RASA4B: variants seen among roughly 807,000 people sequenced by gnomAD.
RASA4B encodes the protein RAS p21 protein activator 4B.
A neutral mutation model predicts 24.2 loss-of-function variants in RASA4B; 2 were observed. The ratio of observed to expected loss-of-function variants is 0.08; its 90% CI spans 0.03 to 0.26. The LOEUF (loss-of-function observed/expected upper bound fraction) is 0.26, where lower values mean the gene tolerates loss of function less well. Ranked by LOEUF, RASA4B falls within the 10% of genes least tolerant of loss-of-function variation. The pLI is 1.00. For synonymous variants in RASA4B, 2 were observed against 125.6 expected (o/e 0.02, Z 6.58); for missense variants, 8 against 277.2 (o/e 0.03, Z 6.90).
chr7:102,489,611 G>GT (rs1798836048), intron 17 of RASA4B, among the ~76,000 whole-genome samples: 1 of 148,266 alleles, frequency 6.7e-6, no homozygotes, highest in Non-Finnish European at 1.5e-5. Context: ...TCCTGCCTCA[G>GT]CCCCCCAAGT....
rs4729800 is a variant in RASA4B at position 102,491,881 on chromosome 7, G to T, written c.1831-758C>A. Among the ~76,000 whole-genome samples the T allele has an allele frequency of 9.3e-3, 529 of 57,112 alleles. 3 individuals carry two copies. The highest frequency in any genetic ancestry group is 0.017 in the Non-Finnish European group (338 of 19,732). The allele number at this position is 57,112 out of a possible 152,430, so 37.5% of individuals were successfully genotyped here. A position where few individuals can be genotyped will look rare whatever the true frequency, so the allele number is the denominator to read the frequency against. ...TCATCTGAGTGCTTTGGGAGGCTGGGGCAGGAGGATTGCCTGAGGCCAGGA... is the reference window on the plus strand; with the variant it reads ...TCATCTGAGTGCTTTGGGAGGCTGGTGCAGGAGGATTGCCTGAGGCCAGGA... On this transcript the variant is annotated intron_variant, in intron 16 of 20. Coordinates refer to ENST00000465829, the MANE Select transcript of RASA4B (RefSeq NM_001367767.2).
At position 102,481,215 on chromosome 7, in the gene RASA4B, T is replaced by C. The variant is rs1350343789; in HGVS notation, c.*2377A>G. ...AATTTCAAGTCTCCTTTATTTTCCCTTTTTTTTTTTTTTTTTTTTAATTTT... is the reference window on the plus strand; with the variant it reads ...AATTTCAAGTCTCCTTTATTTTCCCCTTTTTTTTTTTTTTTTTTTAATTTT... On this transcript the variant is annotated 3_prime_UTR_variant, in exon 21 of 21. Coordinates refer to ENST00000465829, the MANE Select transcript of RASA4B (RefSeq NM_001367767.2). 3.8e-4 allele frequency among the ~76,000 whole-genome samples: 19 copies of C among 50,424 alleles called. No homozygotes were observed. Among genetic ancestry groups the C allele is most frequent in the African/African-American group, 1.3e-3 (18 of 14,296 alleles). 33.1% of individuals were successfully genotyped at this position (50,424 alleles called of 152,430 possible). A position where few individuals can be genotyped will look rare whatever the true frequency, so the allele number is the denominator to read the frequency against.
At position 102,481,139 on chromosome 7, in the gene RASA4B, T is replaced by G. The variant is rs1266893136; in HGVS notation, c.*2453A>C. ...TAACCATTTTAAGTGTTTAACTCAG[T>G]GGTGTTAATTACATTCACAATGTGT... On this transcript the variant is annotated 3_prime_UTR_variant, in exon 21 of 21. Transcript: ENST00000465829. Among the ~76,000 whole-genome samples the G allele has an allele frequency of 1.0e-5, 1 of 99,858 alleles. No homozygotes were observed. Among genetic ancestry groups the G allele is most frequent in the African/African-American group, 2.9e-5 (1 of 33,934 alleles). 65.5% of individuals were successfully genotyped at this position (99,858 alleles called of 152,430 possible). A position where few individuals can be genotyped will look rare whatever the true frequency, so the allele number is the denominator to read the frequency against.
At chr7:102,484,792 T>A (rs1261755134) in intron 19 of RASA4B, among the ~76,000 whole-genome samples, 12 of 148,654 alleles carry the variant, frequency 8.1e-5, no homozygotes, top group South Asian at 2.2e-4. Flanking sequence ...GTGCCTGTAC[T>A]CCAAGGGCCC....
At position 102,489,794 on chromosome 7, in the gene RASA4B, T is replaced by TGC. The variant is rs1426364844; in HGVS notation, c.1968+1191_1968+1192insGC. On this transcript the variant is annotated intron_variant, in intron 17 of 20. Transcript: ENST00000465829. ...ATCACAATTTGCTTTTTTTTTTTTT[T>TGC]TTTTTTTTTAAGAGACAGGGTCTCA... is the stretch of plus-strand genomic sequence containing the variant. 4.0e-5 allele frequency among the ~76,000 whole-genome samples: 5 copies of TGC among 124,332 alleles called. 1 individual carries two copies. Among genetic ancestry groups the TGC allele is most frequent in the Admixed American group, 2.5e-4 (3 of 11,950 alleles). The allele number at this position is 124,332 out of a possible 152,430, so 81.6% of individuals were successfully genotyped here.
Position 102,481,255 on chromosome 7 carries a change from G to T in RASA4B, c.*2337C>A, listed in dbSNP as rs1586755940. On this transcript the variant is annotated 3_prime_UTR_variant, in exon 21 of 21. Coordinates refer to ENST00000465829, the MANE Select transcript of RASA4B (RefSeq NM_001367767.2). ...TTTTTAATTTTAGGGACTAGGTTTT[G>T]CTATGTTGCCCAGGCTGGCCTTAAA... 2.4e-5 allele frequency among the ~76,000 whole-genome samples: 1 copy of T among 41,218 alleles called. No homozygotes were observed. Among genetic ancestry groups the T allele is most frequent in the African/African-American group, 6.9e-5 (1 of 14,514 alleles). 27.0% of individuals were successfully genotyped at this position (41,218 alleles called of 152,430 possible). A position where few individuals can be genotyped will look rare whatever the true frequency, so the allele number is the denominator to read the frequency against.
intron 8 of RASA4B, among the ~76,000 whole-genome samples, chr7:102,500,286 C>T (rs1268839890): frequency 1.2e-5 from 1 of 85,518 alleles, no homozygotes; most frequent in Non-Finnish European, 2.5e-5. Flanking sequence ...TCCTGGCTAA[C>T]ATGGTGAAAC....
At position 102,479,977 on chromosome 7, in the gene RASA4B, T is replaced by G. The variant is rs2133291978; in HGVS notation, c.*3615A>C. ...TATATATGAATCATTAATCATTAGT[T>G]TGTAGTAATTATTCTTTATTCCAAT... is the stretch of plus-strand genomic sequence containing the variant. On this transcript the variant is annotated 3_prime_UTR_variant, in exon 21 of 21. Coordinates refer to ENST00000465829, the MANE Select transcript of RASA4B (RefSeq NM_001367767.2). Among the ~76,000 whole-genome samples the G allele has an allele frequency of 6.6e-6, 1 of 152,252 alleles. No homozygotes were observed. Among genetic ancestry groups the G allele is most frequent in the South Asian group, 2.1e-4 (1 of 4,822 alleles).
At chr7:102,492,624 T>A (rs200840121) in intron 16 of RASA4B, among the ~76,000 whole-genome samples, 3,487 of 123,510 alleles carry the variant, frequency 0.028, 2 homozygotes, top group African/African-American at 0.065. Context: ...TCTCATTTAA[T>A]CCTCAACAAC....
At chr7:102,490,763 A>G (rs1467097600) in intron 17 of RASA4B, among the ~76,000 whole-genome samples, 63 of 150,584 alleles carry the variant, frequency 4.2e-4, no homozygotes, top group African/African-American at 1.4e-3. Flanking sequence ...CCACTCCCAT[A>G]GCACCCAGGC....
At position 102,499,184 on chromosome 7, in the gene RASA4B, CAAA is replaced by C. The variant is rs1185378975; in HGVS notation, c.737+1512_737+1514del. ...CTAGGTGACAGAGTGAGATTCTGCT[CAAA>C]AAAAAAATATATATATATATATATT... On this transcript the variant is annotated intron_variant, in intron 8 of 20. Coordinates refer to ENST00000465829, the MANE Select transcript of RASA4B (RefSeq NM_001367767.2). Among the ~76,000 whole-genome samples, 181 of 89,404 alleles carry C rather than the reference CAAA, an allele frequency of 2.0e-3. 4 individuals carry two copies. Among genetic ancestry groups the C allele is most frequent in the South Asian group, 6.3e-3 (18 of 2,876 alleles). The allele number at this position is 89,404 out of a possible 152,430, so 58.7% of individuals were successfully genotyped here.
intron 16 of RASA4B, among the ~76,000 whole-genome samples, chr7:102,491,541 G>A (rs1798944162): frequency 1.7e-5 from 1 of 58,288 alleles, no homozygotes; most frequent in African/African-American, 2.9e-5. Flanking sequence ...GCCGAGGAAG[G>A]CGGATCACCT....
At chr7:102,500,192 G>T (rs1304755574) in intron 8 of RASA4B, among the ~76,000 whole-genome samples, 2 of 56,246 alleles carry the variant, frequency 3.6e-5, no homozygotes, top group Non-Finnish European at 8.0e-5. Flanking sequence ...AAGGGGAGGG[G>T]CCGGGCGCGG....
chr7:102,507,736 C>G (rs1209420151), intron 4 of RASA4B, among the ~76,000 whole-genome samples: 1 of 148,716 alleles, frequency 6.7e-6, no homozygotes, highest in African/African-American at 2.4e-5. Flanking sequence ...ACAAGGCACC[C>G]GGAGGAATAG....
intron 17 of RASA4B, among the ~76,000 whole-genome samples, chr7:102,489,521 T>C (rs1286949415): frequency 7.1e-6 from 1 of 141,478 alleles, no homozygotes; most frequent in Non-Finnish European, 1.5e-5. Context: ...TGAGATGGAG[T>C]CTTGCTCTGT....
chr7:102,481,493 CG>C lies in RASA4B; in HGVS notation c.*2098del, dbSNP rs1330317374. On this transcript the variant is annotated 3_prime_UTR_variant, in exon 21 of 21. Coordinates refer to ENST00000465829, the MANE Select transcript of RASA4B (RefSeq NM_001367767.2). Reference sequence around the variant, plus strand: ...CAGTCTGGCCAACATGGAGAAACTCCGTCTCTACTAAAAATACAAGAATTAG... The same window carrying C: ...CAGTCTGGCCAACATGGAGAAACTCCTCTCTACTAAAAATACAAGAATTAG... 5.3e-5 allele frequency among the ~76,000 whole-genome samples: 6 copies of C among 112,246 alleles called. No homozygotes were observed. Among genetic ancestry groups the C allele is most frequent in the African/African-American group, 1.8e-4 (6 of 32,762 alleles). The allele number at this position is 112,246 out of a possible 152,430, so 73.6% of individuals were successfully genotyped here.
At chr7:102,513,169 G>A (rs2093144782) in intron 1 of RASA4B, among the ~76,000 whole-genome samples, 1 of 139,600 alleles carries the variant, frequency 7.2e-6, no homozygotes, top group South Asian at 2.3e-4. Flanking sequence ...CTTCAGCCCT[G>A]CCAGAGCCCT....
chr7:102,498,743 C>T (rs1799262447), intron 8 of RASA4B, among the ~76,000 whole-genome samples: 1 of 107,646 alleles, frequency 9.3e-6, no homozygotes, highest in Admixed American at 1.1e-4. Flanking sequence ...GTTGGCCAGG[C>T]TGGTCTCGAA....
chr7:102,481,209 T>G lies in RASA4B; in HGVS notation c.*2383A>C, dbSNP rs1798601153. ...TTCAAAAATTTCAAGTCTCCTTTAT[T>G]TTCCCTTTTTTTTTTTTTTTTTTTT... On this transcript the variant is annotated 3_prime_UTR_variant, in exon 21 of 21. Transcript: ENST00000465829. 1.1e-5 allele frequency among the ~76,000 whole-genome samples: 1 copy of G among 90,266 alleles called. No homozygotes were observed. The highest frequency in any genetic ancestry group is 3.1e-4 in the South Asian group (1 of 3,236). The allele number at this position is 90,266 out of a possible 152,430, so 59.2% of individuals were successfully genotyped here.
Sources: allele counts gnomAD v4.1 joint callset (sites outside exome capture counted in the v4.1 genomes callset), GRCh38; gene constraint gnomAD v4.1.1; transcripts MANE v1.5; gene names NCBI Gene and HGNC (gene_info 2026-07-23, HGNC 2026-07-21).